STK10: variants seen among roughly 807,000 people sequenced by gnomAD.
The protein encoded by STK10 is serine/threonine-protein kinase 10.
Under a neutral mutation model 113.8 loss-of-function variants are expected in STK10, and 78 were observed. That is an observed-to-expected ratio of 0.69 (90% CI 0.57 to 0.83). The LOEUF (loss-of-function observed/expected upper bound fraction) is 0.83, where lower values mean the gene tolerates loss of function less well. STK10 is among the 40% of genes least tolerant of loss of function. The probability of loss-of-function intolerance (pLI) is 0.00; values close to 1 mark genes in which losing one functional copy is unlikely to be tolerated. For synonymous variants in STK10, 465 were observed against 494.7 expected, an observed-to-expected ratio of 0.94 and a Z score of 0.80; for missense variants, 1,109 against 1,280.1, an observed-to-expected ratio of 0.87 and a Z score of 2.04.
At chr5:172,121,564 C>T (rs13170365) in intron 3 of STK10, among the ~76,000 whole-genome samples, 100,224 of 151,586 alleles carry the variant, frequency 0.66, 34,255 homozygotes, top group East Asian at 0.85. Flanking sequence ...CCCAGCACTT[C>T]GGGAGGTGGA....
chr5:172,091,459 G>A (rs10037677), intron 9 of STK10, among the ~76,000 whole-genome samples: 32,298 of 151,630 alleles, frequency 0.21, 4,885 homozygotes, highest in African/African-American at 0.43. Context: ...TCTCAGCTCT[G>A]ATTCTGAAGG....
chr5:172,062,473 A>G (rs957806546), intron 13 of STK10, among the ~76,000 whole-genome samples: 2 of 152,190 alleles, frequency 1.3e-5, no homozygotes, highest in Non-Finnish European at 2.9e-5. Context: ...CATTATTCAC[A>G]ACAGTCAAGG....
chr5:172,140,410 T>A (rs1474878327), intron 2 of STK10, among the ~76,000 whole-genome samples: 2 of 152,186 alleles, frequency 1.3e-5, no homozygotes, highest in African/African-American at 4.8e-5. Context: ...AAAACAGAAC[T>A]ACTTGGCCAG....
At chr5:172,070,614 CAA>C (rs1278270673) in intron 12 of STK10, among the ~76,000 whole-genome samples, 4 of 151,482 alleles carry the variant, frequency 2.6e-5, no homozygotes, top group African/African-American at 9.7e-5. Flanking sequence ...AATTTAAACC[CAA>C]GACTAATATA....
intron 2 of STK10, among the ~76,000 whole-genome samples, chr5:172,136,064 A>G (rs1460948595): frequency 6.6e-6 from 1 of 151,652 alleles, no homozygotes; most frequent in African/African-American, 2.4e-5. Flanking sequence ...AAGAAAGAAA[A>G]AGAAAAAAAG....
chr5:172,160,545 C>T (rs1770449840), intron 1 of STK10, among the ~76,000 whole-genome samples: 1 of 152,034 alleles, frequency 6.6e-6, no homozygotes, highest in Non-Finnish European at 1.5e-5. Context: ...TTGCAAAGCA[C>T]AGGGAAAACG....
Position 172,156,972 on chromosome 5 carries a change from C to T in STK10, c.157-184G>A, listed in dbSNP as rs537838837. Among the ~76,000 whole-genome samples the T allele has an allele frequency of 3.8e-4, 58 of 152,294 alleles. No individual in the cohort carries two copies. The South Asian group carries it at 0.011, about 28-fold the overall frequency. The stretch of plus-strand genomic sequence containing the variant: ...TCTGTACTTAAGAGTAAGTACCATA[C>T]ACCCCTACAACACTATGGAATAAAC... On this transcript the variant is annotated intron_variant, in intron 1 of 18. Transcript: ENST00000176763.
Position 172,090,353 on chromosome 5 carries a change from G to C in STK10, c.1564C>G (p.Leu522Val). The C allele has an allele frequency of 6.2e-7, 1 of 1,613,678 alleles. No individual in the cohort carries two copies. The highest frequency in any genetic ancestry group is 8.5e-7 in the Non-Finnish European group (1 of 1,179,828). ...GTCCGCTTGAGGGTTTTTTTGTACA[G>C]TTTCGGGTCCTGGCCAGGGAAAACC... The part of the protein sequence containing the change: ...MGSLSIKDPK[L>V]YKKTLKRTRK... Residue 522 changes from leucine to valine, a missense_variant, in exon 10 of 19, where the codon CTG becomes GTG. Physicochemically the swap from Leu to Val is conservative, Grantham distance 32. Transcript: ENST00000176763.
chr5:172,151,881 G>A (rs1027631523), intron 2 of STK10, among the ~76,000 whole-genome samples: 1 of 152,184 alleles, frequency 6.6e-6, no homozygotes, highest in Non-Finnish European at 1.5e-5. Flanking sequence ...TCCACCACGC[G>A]CCAGCCGCAA....
intron 1 of STK10, among the ~76,000 whole-genome samples, chr5:172,179,822 C>G (rs958594739): frequency 3.3e-5 from 5 of 152,174 alleles, no homozygotes; most frequent in East Asian, 1.9e-4. Context: ...AGTGGAAACC[C>G]AAGCTTTCAA....
chr5:172,166,757 T>G (rs1385631416), intron 1 of STK10, among the ~76,000 whole-genome samples: 1 of 152,170 alleles, frequency 6.6e-6, no homozygotes, highest in Non-Finnish European at 1.5e-5. Flanking sequence ...GAATAGAAAC[T>G]GATTCAATCT....
At chr5:172,143,897 C>T (rs1370734754) in intron 2 of STK10, among the ~76,000 whole-genome samples, 1 of 152,092 alleles carries the variant, frequency 6.6e-6, no homozygotes, top group Non-Finnish European at 1.5e-5. Context: ...TTAAGATGCC[C>T]AGAAATCAGG....
At chr5:172,146,870 A>G (rs1030405173) in intron 2 of STK10, among the ~76,000 whole-genome samples, 1 of 152,228 alleles carries the variant, frequency 6.6e-6, no homozygotes, top group Non-Finnish European at 1.5e-5. Flanking sequence ...GGCAGTGGAC[A>G]CCAGCTGTGT....
intron 2 of STK10, among the ~76,000 whole-genome samples, chr5:172,142,516 G>C (rs1206092344): frequency 6.6e-6 from 1 of 152,106 alleles, no homozygotes; most frequent in Non-Finnish European, 1.5e-5. Context: ...CCCTATCTAC[G>C]ACACCTAATG....
chr5:172,077,990 TG>T (rs35078290), intron 12 of STK10, among the ~76,000 whole-genome samples: 5 of 151,616 alleles, frequency 3.3e-5, no homozygotes, highest in Non-Finnish European at 5.9e-5. Context: ...GCTCACCTGG[TG>T]GGGGGGGTCT....
intron 2 of STK10, among the ~76,000 whole-genome samples, chr5:172,148,216 T>C (rs147209750): frequency 2.6e-5 from 4 of 152,212 alleles, no homozygotes; most frequent in African/African-American, 9.6e-5. Context: ...GAGGCGTGTC[T>C]GGGGTCACAC....
chr5:172,131,448 T>C (rs1225582149), intron 2 of STK10, among the ~76,000 whole-genome samples: 2 of 152,332 alleles, frequency 1.3e-5, no homozygotes, highest in South Asian at 2.1e-4. Flanking sequence ...CCCTGTGCCC[T>C]CTCCAGAGGT....
chr5:172,168,617 C>T (rs560621534), intron 1 of STK10, among the ~76,000 whole-genome samples: 3 of 152,160 alleles, frequency 2.0e-5, no homozygotes, highest in South Asian at 2.1e-4. Flanking sequence ...ACGAGCAGCC[C>T]GCCTTTCTCC....
intron 8 of STK10, 76 bp downstream of exon 8, chr5:172,096,350 C>G: frequency 6.3e-7 from 1 of 1,582,736 alleles, no homozygotes; most frequent in Admixed American, 1.7e-5. Context: ...GCCTTCCCTG[C>G]CCCTCCCACA....
Sources: allele counts gnomAD v4.1 joint callset (sites outside exome capture counted in the v4.1 genomes callset), GRCh38; gene constraint gnomAD v4.1.1; transcripts MANE v1.5; gene names NCBI Gene and HGNC (gene_info 2026-07-23, HGNC 2026-07-21).